Variants in PCCA observed in about 807,000 individuals in gnomAD.
The protein encoded by PCCA is propionyl-CoA carboxylase alpha chain, mitochondrial.
PCCA carries 74 observed loss-of-function variants against 101.3 expected under a neutral mutation model. The observed-to-expected ratio is 0.73, with a 90% CI of 0.61 to 0.89. The LOEUF (loss-of-function observed/expected upper bound fraction) is 0.89. Among genes scored for constraint, PCCA ranks in the 40% least tolerant of loss-of-function variants. The probability of loss-of-function intolerance (pLI) is 0.00; values close to 1 mark genes in which losing one functional copy is unlikely to be tolerated. For missense variants in PCCA, 891 were observed against 907.0 expected (o/e 0.98, Z 0.23); for synonymous variants, 294 against 313.6 (o/e 0.94, Z 0.66).
At chr13:100,344,978 G>T (rs1029509492) in intron 18 of PCCA, among the ~76,000 whole-genome samples, 1 of 152,130 alleles carries the variant, frequency 6.6e-6, no homozygotes, top group Admixed American at 6.5e-5. Flanking sequence ...AACCATGCAC[G>T]TGTAAGGTGG....
chr13:100,465,695 A>G (rs1239381709), intron 21 of PCCA, among the ~76,000 whole-genome samples: 1 of 152,212 alleles, frequency 6.6e-6, no homozygotes, highest in African/African-American at 2.4e-5. Flanking sequence ...CACCAACTAG[A>G]TGTCAGAACA....
intron 19 of PCCA, among the ~76,000 whole-genome samples, chr13:100,406,843 G>T (rs887892769): frequency 2.0e-5 from 3 of 152,018 alleles, no homozygotes; most frequent in Admixed American, 2.0e-4. Context: ...AAGTTCTCTT[G>T]TTTTGCTTGA....
intron 7 of PCCA, among the ~76,000 whole-genome samples, chr13:100,214,123 T>C (rs1173023784): frequency 1.3e-5 from 2 of 152,204 alleles, no homozygotes; most frequent in African/African-American, 4.8e-5. Flanking sequence ...TATAGCTCTG[T>C]AGTATAATTT....
intron 18 of PCCA, among the ~76,000 whole-genome samples, chr13:100,352,504 C>G (rs1286078508): frequency 6.6e-6 from 1 of 150,918 alleles, no homozygotes; most frequent in Non-Finnish European, 1.5e-5. Flanking sequence ...AGGTGATTCT[C>G]CTGCCTCAGC....
chr13:100,423,788 T>C (rs1270795257), intron 19 of PCCA, among the ~76,000 whole-genome samples: 2 of 152,230 alleles, frequency 1.3e-5, no homozygotes, highest in Non-Finnish European at 2.9e-5. Context: ...CAGCTTCTGC[T>C]GAGGTGAGGT....
intron 8 of PCCA, among the ~76,000 whole-genome samples, chr13:100,252,056 A>G (rs2061789783): frequency 6.6e-6 from 1 of 152,182 alleles, no homozygotes; most frequent in Admixed American, 6.5e-5. Context: ...AAAGAAACGA[A>G]ACAAAGCAAT....
At chr13:100,381,056 A>C (rs2076197268) in intron 19 of PCCA, among the ~76,000 whole-genome samples, 1 of 152,184 alleles carries the variant, frequency 6.6e-6, no homozygotes. Flanking sequence ...CTTTGTACCC[A>C]CTACATAGCT....
intron 21 of PCCA, among the ~76,000 whole-genome samples, chr13:100,486,655 A>T (rs901569499): frequency 6.6e-6 from 1 of 152,316 alleles, no homozygotes; most frequent in Non-Finnish European, 1.5e-5. Context: ...GCTTATGCCT[A>T]TAATCCCAGC....
At chr13:100,154,771 T>C (rs374468680) in intron 4 of PCCA, 4 of 551,884 alleles carry the variant, frequency 7.2e-6, no homozygotes, top group East Asian at 6.4e-5. Context: ...GGTTAGACAA[T>C]GAATTAGGCT....
At chr13:100,132,869 G>GT in intron 4 of PCCA, among the ~76,000 whole-genome samples, 1 of 152,212 alleles carries the variant, frequency 6.6e-6, no homozygotes, top group South Asian at 2.1e-4. Flanking sequence ...CACCTCCCGG[G>GT]TTCAAGCGAT....
intron 21 of PCCA, among the ~76,000 whole-genome samples, chr13:100,458,562 G>A (rs1310725111): frequency 6.6e-6 from 1 of 151,878 alleles, no homozygotes; most frequent in African/African-American, 2.4e-5. Flanking sequence ...TTGAGCCCAA[G>A]AGTTCAAGGC....
At chr13:100,385,261 A>G (rs971864388) in intron 19 of PCCA, among the ~76,000 whole-genome samples, 5 of 152,210 alleles carry the variant, frequency 3.3e-5, no homozygotes, top group African/African-American at 1.2e-4. Context: ...TTATTAGGAT[A>G]ATAAGTCAAG....
At chr13:100,514,331 G>A (rs2086683430) in intron 21 of PCCA, among the ~76,000 whole-genome samples, 1 of 152,178 alleles carries the variant, frequency 6.6e-6, no homozygotes, top group South Asian at 2.1e-4. Context: ...GGCACTTAGA[G>A]ATTCCCGCCG....
At chr13:100,201,263 A>T (rs1451269639) in intron 6 of PCCA, among the ~76,000 whole-genome samples, 7 of 151,998 alleles carry the variant, frequency 4.6e-5, no homozygotes. Flanking sequence ...TTTTGTTGAT[A>T]TCTCTTTTGT....
At chr13:100,303,078 A>G in intron 14 of PCCA, 80 bp downstream of exon 14, 1 of 849,046 alleles carries the variant, frequency 1.2e-6, no homozygotes, top group African/African-American at 1.7e-5. Context: ...GCATGTCAAC[A>G]CCAAAGGGTG....
chr13:100,141,025 G>C (rs559773612), intron 4 of PCCA, among the ~76,000 whole-genome samples: 26 of 152,288 alleles, frequency 1.7e-4, no homozygotes, highest in African/African-American at 6.3e-4. Flanking sequence ...CTCAACTGCA[G>C]TAATATATAG....
In PCCA at chr13:100,302,993, C is replaced by G. The variant is rs777391118; in HGVS notation, c.1279C>G (p.Pro427Ala). The G allele has an allele frequency of 6.4e-7, 1 of 1,566,016 alleles. No individual in the cohort carries two copies. The highest frequency in any genetic ancestry group is 8.8e-7 in the Non-Finnish European group (1 of 1,136,418). The change falls in exon 14 of 24, where the codon CCT becomes GCT. Residue 427 changes from proline to alanine, a missense_variant. Transcript: ENST00000376285. ...TCAGTACCAAGAACCGTTACATCTA[C>G]CTGGTGTAAGTCATTAAGCTGTAAT... Reference protein sequence around the residue: ...LSQYQEPLHLPGVRVDSGIQP... With the variant: ...LSQYQEPLHLAGVRVDSGIQP...
chr13:100,362,712 C>T (rs112156532), intron 18 of PCCA, among the ~76,000 whole-genome samples: 76 of 152,250 alleles, frequency 5.0e-4, no homozygotes, highest in Admixed American at 7.9e-4. Context: ...AGTAACATTA[C>T]GTATTCTATC....
chr13:100,305,758 C>T (rs1252965775), intron 14 of PCCA: 2 of 399,104 alleles, frequency 5.0e-6, no homozygotes, highest in African/African-American at 2.1e-5. Flanking sequence ...TAGTTTTTGT[C>T]AACACTGTGA....
Sources: gnomAD v4.1 joint callset for allele counts (sites outside exome capture counted in the v4.1 genomes callset) on GRCh38, gnomAD v4.1.1 for gene constraint, MANE v1.5 for transcripts, NCBI Gene and HGNC (gene_info 2026-07-23, HGNC 2026-07-21) for gene names.